ZNF236: variants seen among roughly 807,000 people sequenced by gnomAD.
The protein encoded by ZNF236 is regulated by glucose.
ZNF236 carries 50 observed loss-of-function variants against 191.2 expected under a neutral mutation model. That is an observed-to-expected ratio of 0.26 (90% CI 0.21 to 0.33). The LOEUF is 0.33. Among genes scored for constraint, ZNF236 ranks in the 10% least tolerant of loss-of-function variants. The pLI, the probability that ZNF236 is intolerant of heterozygous loss-of-function variation, is 1.00. For missense variants in ZNF236, 1,754 were observed against 2,374.5 expected (o/e 0.74, Z 5.43); for synonymous variants, 907 against 928.8 (o/e 0.98, Z 0.43).
rs1968913560 is a variant in ZNF236 at position 76,971,987 on chromosome 18, A to G, written c.*3648A>G. Among the ~76,000 whole-genome samples the G allele has an allele frequency of 6.6e-6, 1 of 152,222 alleles. No homozygotes were observed. Among genetic ancestry groups the G allele is most frequent in the Admixed American group, 6.5e-5 (1 of 15,270 alleles). On this transcript the variant is annotated 3_prime_UTR_variant, in exon 31 of 31. Transcript: ENST00000320610. ...ATCGTTGCGAATGTATCCCTTTTCC[A>G]AGACCTACTGCATAGGAAGTAAGTG...
chr18:76,859,899 G>T (rs1037238291), intron 3 of ZNF236, among the ~76,000 whole-genome samples: 1 of 152,198 alleles, frequency 6.6e-6, no homozygotes, highest in Non-Finnish European at 1.5e-5. Flanking sequence ...TCTGCATGGG[G>T]TGCCTATTTT....
At chr18:76,847,493 T>C (rs2122494649) in intron 1 of ZNF236, among the ~76,000 whole-genome samples, 1 of 151,752 alleles carries the variant, frequency 6.6e-6, no homozygotes, top group Admixed American at 6.6e-5. Context: ...TTAGGCAGAG[T>C]CTCACTCTTT....
At chr18:76,891,757 G>A (rs2122690617) in intron 9 of ZNF236, among the ~76,000 whole-genome samples, 1 of 148,784 alleles carries the variant, frequency 6.7e-6, no homozygotes, top group South Asian at 2.2e-4. Context: ...AACATCATTT[G>A]TCAAATAAGT....
intron 15 of ZNF236, 93 bp downstream of exon 15, chr18:76,910,262 C>G: frequency 9.2e-7 from 1 of 1,082,928 alleles, no homozygotes; most frequent in Non-Finnish European, 1.3e-6. Flanking sequence ...TCTTAAGGCC[C>G]TTCTAAAGTG....
intron 15 of ZNF236, 72 bp downstream of exon 15, chr18:76,910,241 T>TA (rs746206245): frequency 9.3e-5 from 123 of 1,326,996 alleles, no homozygotes; most frequent in Middle Eastern, 5.7e-4. Context: ...ATGACAACCT[T>TA]ACATGTTTTC....
At chr18:76,964,705 T>A (rs1195167972) in intron 30 of ZNF236, among the ~76,000 whole-genome samples, 1 of 152,266 alleles carries the variant, frequency 6.6e-6, no homozygotes, top group Non-Finnish European at 1.5e-5. Flanking sequence ...TCTCATTTTT[T>A]AGATCTATTA....
intron 1 of ZNF236, among the ~76,000 whole-genome samples, chr18:76,847,131 C>T (rs1308358340): frequency 1.3e-5 from 2 of 150,746 alleles, no homozygotes; most frequent in Non-Finnish European, 3.0e-5. Flanking sequence ...TAGTCCGTAT[C>T]TCCTAGGGTT....
chr18:76,824,609 G>T (rs1162539489), intron 1 of ZNF236, among the ~76,000 whole-genome samples: 5 of 152,180 alleles, frequency 3.3e-5, no homozygotes, highest in African/African-American at 1.2e-4. Context: ...TTGGAAGAAG[G>T]CTTAGGATAG....
At chr18:76,926,761 AGTGTGTGT>A (rs200129535) in intron 22 of ZNF236, among the ~76,000 whole-genome samples, 21 of 46,294 alleles carry the variant, frequency 4.5e-4, no homozygotes, top group Non-Finnish European at 6.8e-4. Flanking sequence ...GTGATTAGAC[AGTGTGTGT>A]GTATGGTATA....
chr18:76,925,503 C>G lies in ZNF236; in HGVS notation c.3976C>G (p.Leu1326Val). The change falls in exon 22 of 31, where the codon CTG becomes GTG. Residue 1326 changes from leucine (L) to valine (V), a missense_variant. This residue lies in a region of ZNF236 where 606 missense variants were observed against 761.5 expected (regional missense o/e 0.80). Coordinates refer to ENST00000320610, the MANE Select transcript of ZNF236 (RefSeq NM_001306089.2). This position sits in a 1 kb window ranked among gnomAD's most constrained non-coding sequence, Gnocchi z 5.7. ...SVLTGQFDQN[L>V]LQPGLVGQAI... Reference sequence around the variant, plus strand: ...TCTAACAGGACAGTTTGATCAGAATCTGCTGCAACCAGGACTGGTGGGCCA... The same window carrying G: ...TCTAACAGGACAGTTTGATCAGAATGTGCTGCAACCAGGACTGGTGGGCCA... The G allele has an allele frequency of 6.2e-7, 1 of 1,614,100 alleles. No individual in the cohort carries two copies. The highest frequency in any genetic ancestry group is 1.1e-5 in the South Asian group (1 of 91,082).
intron 3 of ZNF236, among the ~76,000 whole-genome samples, chr18:76,861,455 G>T (rs972005168): frequency 6.6e-6 from 1 of 152,142 alleles, no homozygotes; most frequent in Admixed American, 6.5e-5. Flanking sequence ...GTGGTTGGGC[G>T]GCTGCGAAAT....
chr18:76,956,116 T>A lies in ZNF236; in HGVS notation c.5046T>A (p.His1682Gln). The part of the protein sequence containing the change: ...AVLMHHSKEV[H>Q]GRERIHGCPV... ...TCATGCACCACAGCAAGGAGGTGCA[T>A]GGCCGGGAGCGCATCCACGGCTGCC... The change falls in exon 28 of 31, where the codon CAT (histidine) becomes CAA (glutamine). Residue 1682 changes from histidine to glutamine, a missense_variant. By Grantham distance (24) the His-to-Gln change is conservative. Coordinates refer to ENST00000320610, the MANE Select transcript of ZNF236 (RefSeq NM_001306089.2). 3 of 1,579,732 alleles carry A rather than the reference T, an allele frequency of 1.9e-6. No individual in the cohort carries two copies. The highest frequency in any genetic ancestry group is 2.6e-6 in the Non-Finnish European group (3 of 1,163,650).
chr18:76,843,806 G>GAAT (rs1975591419), intron 1 of ZNF236, among the ~76,000 whole-genome samples: 3 of 44,704 alleles, frequency 6.7e-5, no homozygotes, highest in Non-Finnish European at 1.3e-4. Flanking sequence ...AAAAAAAAAA[G>GAAT]TAAAGAAGAG....
Position 76,925,438 on chromosome 18 carries a change from C to G in ZNF236, c.3911C>G (p.Ser1304Cys), listed in dbSNP as rs201119655. 1.9e-5 allele frequency: 31 copies of G among 1,614,132 alleles called. No individual in the cohort carries two copies. The highest frequency in any genetic ancestry group is 2.5e-5 in the Non-Finnish European group (30 of 1,180,060). The change falls in exon 22 of 31, where the codon TCC (serine) becomes TGC (cysteine). Residue 1304 changes from serine (S) to cysteine (C), a missense_variant. Transcript: ENST00000320610. The surrounding 1 kb of genome is among the most constrained non-coding windows in gnomAD (Gnocchi z 5.7). The part of the protein sequence containing the change: ...GLQPVNLLNS[S>C]STDPNVFIMN... The stretch of plus-strand genomic sequence containing the variant: ...CAGCCTGTAAACCTCCTCAACTCCT[C>G]CTCTACTGACCCAAACGTGTTTATC...
intron 20 of ZNF236, among the ~76,000 whole-genome samples, chr18:76,920,695 C>T (rs1282909600): frequency 6.6e-6 from 1 of 152,186 alleles, no homozygotes; most frequent in African/African-American, 2.4e-5. Flanking sequence ...GAGCAGCAGG[C>T]GCCCTCCTGC....
chr18:76,847,600 G>T (rs931816514), intron 1 of ZNF236, among the ~76,000 whole-genome samples: 4 of 152,050 alleles, frequency 2.6e-5, no homozygotes, highest in Non-Finnish European at 5.9e-5. Flanking sequence ...CGAGTAGCTG[G>T]GGCTACAGGC....
chr18:76,851,841 A>G lies in ZNF236; in HGVS notation c.265A>G (p.Thr89Ala). ...ATTCAACCTGACACTTCATAAATGC[A>G]CCCACAGCGGGGAAGATCCTACCTG... ...VEFNLTLHKCTHSGEDPTCPV... is the reference protein window; with the variant it reads ...VEFNLTLHKCAHSGEDPTCPV... The change falls in exon 3 of 31, where the codon ACC (threonine) becomes GCC (alanine). Residue 89 changes from threonine to alanine, a missense_variant. Physicochemically the swap from Thr to Ala is moderately conservative, Grantham distance 58. Coordinates refer to ENST00000320610, the MANE Select transcript of ZNF236 (RefSeq NM_001306089.2). 1 of 1,614,084 alleles carries G rather than the reference A, an allele frequency of 6.2e-7. No homozygotes were observed. Among genetic ancestry groups the G allele is most frequent in the Non-Finnish European group, 8.5e-7 (1 of 1,179,978 alleles).
At position 76,884,690 on chromosome 18, in the gene ZNF236, G is replaced by A. The variant is rs370818863; in HGVS notation, c.1417+3178G>A. Reference sequence around the variant, plus strand: ...GCTGGCATCCTACTGTCCTATTTCAGTCCACGGGCTCCAGGATGGTGTGGC... The same window carrying A: ...GCTGGCATCCTACTGTCCTATTTCAATCCACGGGCTCCAGGATGGTGTGGC... On this transcript the variant is annotated intron_variant, in intron 9 of 30. Coordinates refer to ENST00000320610, the MANE Select transcript of ZNF236 (RefSeq NM_001306089.2). Among the ~76,000 whole-genome samples the A allele has an allele frequency of 7.2e-4, 110 of 152,260 alleles. 3 individuals are homozygous for A. In the South Asian group the frequency reaches 0.021, roughly 29 times the overall value.
intron 19 of ZNF236, among the ~76,000 whole-genome samples, chr18:76,918,177 G>A (rs922254541): frequency 3.3e-4 from 50 of 151,854 alleles, no homozygotes; most frequent in Non-Finnish European, 5.4e-4. Flanking sequence ...TCCTTCTCTA[G>A]TATTCTTTTT....
Sources: gnomAD v4.1 joint callset for allele counts (sites outside exome capture counted in the v4.1 genomes callset) on GRCh38, gnomAD v4.1.1 for gene constraint, gnomAD v4.1.1 regional missense constraint, Gnocchi (gnomAD v3.1) non-coding constraint, MANE v1.5 for transcripts, NCBI Gene and HGNC (gene_info 2026-07-23, HGNC 2026-07-21) for gene names.